YAF2: variants seen among roughly 807,000 people sequenced by gnomAD.
YAF2 encodes the protein YY1-associated factor 2.
YAF2 carries 7 observed loss-of-function variants against 20.1 expected under a neutral mutation model. That is an observed-to-expected ratio of 0.35 (90% CI 0.20 to 0.65). The LOEUF (loss-of-function observed/expected upper bound fraction) is 0.65. Among genes scored for constraint, YAF2 ranks in the 30% least tolerant of loss-of-function variants. The pLI is 0.69. For synonymous variants in YAF2, 74 were observed against 76.0 expected (o/e 0.97, Z 0.14); for missense variants, 151 against 219.2 (o/e 0.69, Z 1.96).
chr12:42,200,826 A>G (rs1456097280), intron 2 of YAF2, among the ~76,000 whole-genome samples: 1 of 152,222 alleles, frequency 6.6e-6, no homozygotes, highest in Non-Finnish European at 1.5e-5. Context: ...CTGAAGCCAG[A>G]CAACTTAGGT....
rs2065741420 is a variant in YAF2 at position 42,158,443 on chromosome 12, C to T, written c.*2146G>A. On this transcript the variant is annotated 3_prime_UTR_variant, in exon 4 of 4. Coordinates refer to ENST00000534854, the MANE Select transcript of YAF2 (RefSeq NM_005748.6). The stretch of plus-strand genomic sequence containing the variant: ...TACCTATAACAATGGTAAAAGCTCA[C>T]ATTTACTGAGTGACCAGTATGTGTC... 6.6e-6 allele frequency: 1 copy of T among 152,154 alleles called. No homozygotes were observed. The allele number at this position is 152,154 out of a possible 1,614,324, so 9.4% of individuals were successfully genotyped here.
intron 2 of YAF2, among the ~76,000 whole-genome samples, chr12:42,163,336 TAA>T (rs1555146674): frequency 1.3e-5 from 2 of 152,202 alleles, no homozygotes; most frequent in Non-Finnish European, 2.9e-5. Context: ...TAAGTGATGA[TAA>T]GTCACTGAAG....
chr12:42,225,024 C>T (rs2067647767), intron 2 of YAF2, among the ~76,000 whole-genome samples: 1 of 152,192 alleles, frequency 6.6e-6, no homozygotes, highest in Non-Finnish European at 1.5e-5. Flanking sequence ...TTCTCCACAT[C>T]CTCTCCAGCA....
intron 2 of YAF2, among the ~76,000 whole-genome samples, chr12:42,227,174 C>T (rs1300942539): frequency 3.4e-5 from 5 of 145,136 alleles, no homozygotes; most frequent in Non-Finnish European, 6.1e-5. Context: ...GAGGAGCGGA[C>T]GGGCCCCACG....
At chr12:42,179,093 C>G (rs2066272865) in intron 2 of YAF2, among the ~76,000 whole-genome samples, 1 of 152,168 alleles carries the variant, frequency 6.6e-6, no homozygotes, top group African/African-American at 2.4e-5. Flanking sequence ...TGGGCTCCAC[C>G]TTTAAGAACT....
chr12:42,173,048 C>CAGAGAGAG (rs879630684), intron 2 of YAF2, among the ~76,000 whole-genome samples: 2 of 150,052 alleles, frequency 1.3e-5, no homozygotes, highest in Admixed American at 6.7e-5. Flanking sequence ...GAGAGAGAGA[C>CAGAGAGAG]AGAGAGAGAG....
chr12:42,199,063 C>T (rs2066831097), intron 2 of YAF2: 22 of 754,602 alleles, frequency 2.9e-5, no homozygotes, highest in Non-Finnish European at 3.7e-5. Flanking sequence ...ATTGTTTGTT[C>T]CTTTAGTATT....
chr12:42,161,899 G>C, intron 2 of YAF2, 134 bp from the exon 3 acceptor site: 1 of 779,022 alleles, frequency 1.3e-6, no homozygotes, highest in Middle Eastern at 3.0e-4. Context: ...CATATGTAAG[G>C]TAATTTAAAT....
At chr12:42,230,016 T>C (rs1368625737) in intron 2 of YAF2, among the ~76,000 whole-genome samples, 3 of 152,134 alleles carry the variant, frequency 2.0e-5, no homozygotes, top group Non-Finnish European at 4.4e-5. Flanking sequence ...CACAGCATTT[T>C]GGGAGGCTGA....
intron 2 of YAF2, among the ~76,000 whole-genome samples, chr12:42,169,746 T>C (rs1247167329): frequency 2.0e-5 from 3 of 152,050 alleles, no homozygotes; most frequent in Non-Finnish European, 4.4e-5. Flanking sequence ...ATACAAGCAT[T>C]ATTCTTGAAG....
intron 2 of YAF2, among the ~76,000 whole-genome samples, chr12:42,170,022 C>G (rs1163897975): frequency 6.6e-6 from 1 of 151,996 alleles, no homozygotes; most frequent in Non-Finnish European, 1.5e-5. Context: ...AGGCACGCAT[C>G]ACCACACCTG....
intron 2 of YAF2, chr12:42,233,205 A>G: frequency 3.0e-6 from 3 of 985,386 alleles, no homozygotes; most frequent in Non-Finnish European, 3.6e-6. Context: ...TCTTTTTTAT[A>G]GCTCTCTAAA....
chr12:42,195,343 T>C (rs781222842), intron 2 of YAF2, among the ~76,000 whole-genome samples: 1 of 152,150 alleles, frequency 6.6e-6, no homozygotes, highest in Non-Finnish European at 1.5e-5. Flanking sequence ...AAGAATGAAA[T>C]TGTGGCATTA....
intron 2 of YAF2, among the ~76,000 whole-genome samples, chr12:42,204,166 A>T (rs2066976332): frequency 6.6e-6 from 1 of 152,242 alleles, no homozygotes; most frequent in African/African-American, 2.4e-5. Context: ...AGCATTGGTG[A>T]CATTACAGAA....
intron 2 of YAF2, among the ~76,000 whole-genome samples, chr12:42,171,603 T>C (rs2066050349): frequency 6.6e-6 from 1 of 152,090 alleles, no homozygotes; most frequent in East Asian, 1.9e-4. Context: ...TCTTACAGAC[T>C]ACAAGCAAAA....
At chr12:42,223,518 T>C (rs2067586712) in intron 2 of YAF2, among the ~76,000 whole-genome samples, 1 of 152,108 alleles carries the variant, frequency 6.6e-6, no homozygotes, top group African/African-American at 2.4e-5. Flanking sequence ...CCAAAAGTGC[T>C]TTATTTATAT....
At chr12:42,188,301 T>C (rs1287012551) in intron 2 of YAF2, among the ~76,000 whole-genome samples, 1 of 152,138 alleles carries the variant, frequency 6.6e-6, no homozygotes, top group East Asian at 1.9e-4. Flanking sequence ...TAGTCTGTCA[T>C]TATTTCTTGG....
intron 2 of YAF2, among the ~76,000 whole-genome samples, chr12:42,222,367 TG>T (rs2067543272): frequency 1.3e-5 from 2 of 152,250 alleles, no homozygotes; most frequent in Admixed American, 6.5e-5. Context: ...TCAACTAGGA[TG>T]GTTTTATAAA....
At chr12:42,196,760 T>C (rs2066762916) in intron 2 of YAF2, among the ~76,000 whole-genome samples, 1 of 152,202 alleles carries the variant, frequency 6.6e-6, no homozygotes, top group Non-Finnish European at 1.5e-5. Context: ...TGAAAGCTCT[T>C]GATTTTTTAA....
Sources: gnomAD v4.1 joint callset for allele counts (sites outside exome capture counted in the v4.1 genomes callset) on GRCh38, gnomAD v4.1.1 for gene constraint, MANE v1.5 for transcripts, NCBI Gene and HGNC (gene_info 2026-07-23, HGNC 2026-07-21) for gene names.